Variants in MEGF8 observed in about 807,000 individuals in gnomAD.
The protein encoded by MEGF8 is multiple EGF like domains 8.
MEGF8 carries 156 observed loss-of-function variants against 302.9 expected under a neutral mutation model. That is an observed-to-expected ratio of 0.52 (90% CI 0.45 to 0.59). MEGF8 has a LOEUF of 0.59. Among genes scored for constraint, MEGF8 ranks in the 20% least tolerant of loss-of-function variants. The pLI is 0.00. For missense variants in MEGF8, 3,345 were observed against 3,964.5 expected (o/e 0.84, Z 4.20); for synonymous variants, 1,621 against 1,660.5 (o/e 0.98, Z 0.58).
At chr19:42,374,170 A>G (rs997253772) in intron 41 of MEGF8, among the ~76,000 whole-genome samples, 1 of 152,142 alleles carries the variant, frequency 6.6e-6, no homozygotes, top group African/African-American at 2.4e-5. Flanking sequence ...CTTAAGAGGA[A>G]GACAGATTCA....
rs761908769 is a variant in MEGF8 at position 42,354,655 on chromosome 19, G to A, written c.4079G>A (p.Arg1360His). 1.9e-5 allele frequency: 31 copies of A among 1,612,252 alleles called. No individual in the cohort carries two copies. Among genetic ancestry groups the A allele is most frequent in the South Asian group, 1.2e-4 (11 of 91,060 alleles). Residue 1360 changes from arginine to histidine, a missense_variant, in exon 23 of 42, where the codon CGC (arginine) becomes CAC (histidine). Arg to His is a conservative substitution (Grantham distance 29, BLOSUM62 0). Transcript: ENST00000251268. This position sits in a 1 kb window ranked among gnomAD's most constrained non-coding sequence, Gnocchi z 4.3. ...GACACTGGTGTTGTCCAGTCGGACC[G>A]CAGCCTCATAGCTGCCTTCTGCGGC... ...FLDTGVVQSD[R>H]SLIAAFCGQR...
rs769451119 is a variant in MEGF8, at chr19:42,337,086, G to A, written c.1393G>A (p.Gly465Ser). Residue 465 changes from glycine (G) to serine (S), a missense_variant and splice_region_variant, in exon 8 of 42, where the codon GGC (glycine) becomes AGC (serine). Transcript: ENST00000251268. ...ATGCCCCTTTCCTCCATTCCCAGGG[G>A]GCAATGTGCACACCCATTACCAGGA... ...VLGNYMVVYG[G>S]NVHTHYQEEK... 1.9e-6 allele frequency: 3 copies of A among 1,613,892 alleles called. No individual in the cohort carries two copies. Among genetic ancestry groups the A allele is most frequent in the Non-Finnish European group, 2.5e-6 (3 of 1,179,854 alleles).
chr19:42,352,837 T>C lies in MEGF8; in HGVS notation c.3351-91T>C. ...AAAACCATGGAAACAGCCAGTGGCT[T>C]TGATGGTGTCATGGTGGGTGGAGAT... On this transcript the variant is annotated intron_variant, in intron 19 of 41. Transcript: ENST00000251268. The surrounding 1 kb of genome is among the most constrained non-coding windows in gnomAD (Gnocchi z 4.4). 1 of 984,728 alleles carries C rather than the reference T, an allele frequency of 1.0e-6. No homozygotes were observed. Among genetic ancestry groups the C allele is most frequent in the Middle Eastern group, 3.1e-4 (1 of 3,274 alleles). The allele number at this position is 984,728 out of a possible 1,614,324, so 61.0% of individuals were successfully genotyped here.
rs1364639096 is a variant in MEGF8, at chr19:42,356,740, G to C, written c.4623-34G>C. 3.0e-5 allele frequency: 46 copies of C among 1,524,768 alleles called. No homozygotes were observed. Among genetic ancestry groups the C allele is most frequent in the Non-Finnish European group, 3.9e-5 (44 of 1,131,710 alleles). 94.5% of individuals were successfully genotyped at this position (1,524,768 alleles called of 1,614,324 possible). A position where few individuals can be genotyped will look rare whatever the true frequency, so the allele number is the denominator to read the frequency against. The stretch of plus-strand genomic sequence containing the variant: ...CACCTTGAAGGATGCTGGGATGACT[G>C]TAATGAGGCTGCTTTTTTGCACCCT... On this transcript the variant is annotated intron_variant, in intron 26 of 41. Coordinates refer to ENST00000251268, the MANE Select transcript of MEGF8 (RefSeq NM_001271938.2). This position sits in a 1 kb window ranked among gnomAD's most constrained non-coding sequence, Gnocchi z 5.2.
Position 42,370,144 on chromosome 19 carries a change from T to C in MEGF8, c.6835-45T>C, listed in dbSNP as rs751823998. 4 of 1,565,156 alleles carry C rather than the reference T, an allele frequency of 2.6e-6. No individual in the cohort carries two copies. In the African/African-American group the frequency reaches 4.1e-5, roughly 16 times the overall value. ...TGTGCCCCCAACGCCCTCCTACCCC[T>C]GATGACTCTCCAGCCTCTCTAACTA... is the stretch of plus-strand genomic sequence containing the variant. On this transcript the variant is annotated intron_variant, in intron 38 of 41. Transcript: ENST00000251268.
At chr19:42,361,265 TC>T (rs2039528201) in intron 32 of MEGF8, among the ~76,000 whole-genome samples, 1 of 152,110 alleles carries the variant, frequency 6.6e-6, no homozygotes, top group Non-Finnish European at 1.5e-5. Context: ...CATCAGTGAT[TC>T]AGAAGTGAGG....
In MEGF8 at chr19:42,370,183, TC is replaced by T; in HGVS notation, c.6835-5del. On this transcript the variant is annotated splice_region_variant and splice_polypyrimidine_tract_variant and intron_variant, in intron 38 of 41. Coordinates refer to ENST00000251268, the MANE Select transcript of MEGF8 (RefSeq NM_001271938.2). ...CCTCTCTAACTACCCTGTCCTGGGTTCTCAGGGCAGCCACTGTGAGCAGTGC... is the reference window on the plus strand; with the variant it reads ...CCTCTCTAACTACCCTGTCCTGGGTTTCAGGGCAGCCACTGTGAGCAGTGC... 2 of 1,610,330 alleles carry T rather than the reference TC, an allele frequency of 1.2e-6. No individual in the cohort carries two copies. Among genetic ancestry groups the T allele is most frequent in the African/African-American group, 1.3e-5 (1 of 74,994 alleles).
chr19:42,372,056 A>ACAG (rs1203433937), intron 41 of MEGF8, among the ~76,000 whole-genome samples: 1 of 148,710 alleles, frequency 6.7e-6, no homozygotes, highest in African/African-American at 2.5e-5. Flanking sequence ...AACAACAACA[A>ACAG]CAACAACAAC....
rs2039321685 is a variant in MEGF8, at chr19:42,348,479, C to T, written c.2298+7C>T. On this transcript the variant is annotated splice_region_variant and intron_variant, in intron 13 of 41. Coordinates refer to ENST00000251268, the MANE Select transcript of MEGF8 (RefSeq NM_001271938.2). ...CCCTGACACGGAGAACATGGTGAGG[C>T]CGCCTGGGACATTCAGGGGGTTGTT... The T allele has an allele frequency of 2.0e-6, 3 of 1,508,776 alleles. No individual in the cohort carries two copies. In the African/African-American group the frequency reaches 4.1e-5, roughly 21 times the overall value. The allele number at this position is 1,508,776 out of a possible 1,614,324, so 93.5% of individuals were successfully genotyped here.
Position 42,326,016 on chromosome 19 carries a change from A to G in MEGF8, c.-228A>G, listed in dbSNP as rs893155466. 8.3e-6 allele frequency: 5 copies of G among 603,658 alleles called. No homozygotes were observed. The highest frequency in any genetic ancestry group is 5.9e-5 in the African/African-American group (3 of 51,250). 37.4% of individuals were successfully genotyped at this position (603,658 alleles called of 1,614,324 possible). ...GTTCGGCCCCGTCCATAATGACTCCATATACAGGGCCTTCCATCGCTCTAT... is the reference window on the plus strand; with the variant it reads ...GTTCGGCCCCGTCCATAATGACTCCGTATACAGGGCCTTCCATCGCTCTAT... On this transcript the variant is annotated 5_prime_UTR_variant, in exon 1 of 42. Transcript: ENST00000251268.
chr19:42,369,381 G>A lies in MEGF8; in HGVS notation c.6642-150G>A. ...GTTGTGGGCTACACCTGGAGGGGGTGGTGGGCTAGATCCTGAAGAGAAGAT... is the reference window on the plus strand; with the variant it reads ...GTTGTGGGCTACACCTGGAGGGGGTAGTGGGCTAGATCCTGAAGAGAAGAT... On this transcript the variant is annotated intron_variant, in intron 37 of 41. Transcript: ENST00000251268. This position sits in a 1 kb window ranked among gnomAD's most constrained non-coding sequence, Gnocchi z 5.7. 1.3e-6 allele frequency: 1 copy of A among 752,812 alleles called. No homozygotes were observed. Among genetic ancestry groups the A allele is most frequent in the South Asian group, 1.9e-5 (1 of 53,198 alleles). 46.6% of individuals were successfully genotyped at this position (752,812 alleles called of 1,614,324 possible). A position where few individuals can be genotyped will look rare whatever the true frequency, so the allele number is the denominator to read the frequency against.
Position 42,368,501 on chromosome 19 carries a change from G to T in MEGF8, c.6320G>T (p.Cys2107Phe). The change falls in exon 36 of 42, where the codon TGT becomes TTT. Residue 2107 changes from cysteine (C) to phenylalanine (F), a missense_variant. Cys to Phe is a radical substitution (Grantham distance 205). Transcript: ENST00000251268. The surrounding 1 kb of genome is among the most constrained non-coding windows in gnomAD (Gnocchi z 4.9). ...CCCCTGCGATGTATGGCCGGAGGCT[G>T]TGGGCGGCTGCTCCGGGGACCTGAG... ...YLPLRCMAGG[C>F]GRLLRGPESC... 6.2e-7 allele frequency: 1 copy of T among 1,609,928 alleles called. No homozygotes were observed. Among genetic ancestry groups the T allele is most frequent in the Non-Finnish European group, 8.5e-7 (1 of 1,178,818 alleles).
chr19:42,355,820 G>T lies in MEGF8; in HGVS notation c.4207G>T (p.Gly1403Cys). ...ATCCTGGGGCTTCAATGCTTCGGTG[G>T]GCTCTGCCCGCTGTGGGTCAGGGGG... ...SSSWGFNASV[G>C]SARCGSGGPG... The change falls in exon 24 of 42, where the codon GGC (glycine) becomes TGC (cysteine). Residue 1403 changes from glycine to cysteine, a missense_variant. Transcript: ENST00000251268. 6.4e-7 allele frequency: 1 copy of T among 1,573,530 alleles called. No homozygotes were observed.
chr19:42,333,801 G>A (rs776058528), intron 2 of MEGF8, 33 bp downstream of exon 2: 18 of 1,606,652 alleles, frequency 1.1e-5, no homozygotes, highest in East Asian at 2.2e-5. Flanking sequence ...CAGATACACC[G>A]AGGGAAATGG....
chr19:42,366,860 C>T (rs1222759575), intron 35 of MEGF8, among the ~76,000 whole-genome samples: 1 of 152,140 alleles, frequency 6.6e-6, no homozygotes, highest in South Asian at 2.1e-4. Flanking sequence ...CCAACAAGTG[C>T]CCTAAATTTA....
At position 42,335,064 on chromosome 19, in the gene MEGF8, C is replaced by T. The variant is rs1441569861; in HGVS notation, c.588C>T (p.Gly196=). 1 of 1,613,584 alleles carries T rather than the reference C, an allele frequency of 6.2e-7. No individual in the cohort carries two copies. The highest frequency in any genetic ancestry group is 8.5e-7 in the Non-Finnish European group (1 of 1,179,752). ...TGGGACCATGCCGCTGTGAGCCTGG[C>T]TTCTTGGGACGTGCCTGTGACCTGC... ...SPLGPCRCEP[G]FLGRACDLHL... is the part of the protein sequence containing the mutation. Residue 196 remains glycine, a synonymous_variant, in exon 4 of 42, where the codon GGC becomes GGT. Coordinates refer to ENST00000251268, the MANE Select transcript of MEGF8 (RefSeq NM_001271938.2).
chr19:42,359,220 C>T lies in MEGF8; in HGVS notation c.5466C>T (p.Ala1822=). ...TGCTCTACCAGGTCAACTGCAATGC[C>T]TGGCTTCTGCCCGACCTCACCCGTA... ...DVLLYQVNCN[A]WLLPDLTRSA... is the part of the protein sequence containing the mutation. Residue 1822 remains alanine (A), a synonymous_variant, in exon 31 of 42, where the codon GCC becomes GCT. Transcript: ENST00000251268. 1 of 1,587,080 alleles carries T rather than the reference C, an allele frequency of 6.3e-7. No individual in the cohort carries two copies. The highest frequency in any genetic ancestry group is 8.6e-7 in the Non-Finnish European group (1 of 1,166,236).
At position 42,331,024 on chromosome 19, in the gene MEGF8, G is replaced by T. The variant is rs542233453; in HGVS notation, c.188-2581G>T. Among the ~76,000 whole-genome samples the T allele has an allele frequency of 9.9e-5, 15 of 152,238 alleles. No individual in the cohort carries two copies. The South Asian group carries it at 2.3e-3, about 23-fold the overall frequency. ...GGGCTTTGGGGCAGGGGAGGGACGG[G>T]GCCAGATGTTGAGTTGGGAAGATCA... On this transcript the variant is annotated intron_variant, in intron 1 of 41. Coordinates refer to ENST00000251268, the MANE Select transcript of MEGF8 (RefSeq NM_001271938.2).
chr19:42,350,549 C>A (rs2039353590), intron 15 of MEGF8, among the ~76,000 whole-genome samples, 165 bp downstream of exon 15: 1 of 152,158 alleles, frequency 6.6e-6, no homozygotes, highest in East Asian at 1.9e-4. Flanking sequence ...TAGAGAGAGG[C>A]ACCTGGGGAG....
Sources: gnomAD v4.1 joint callset for allele counts (sites outside exome capture counted in the v4.1 genomes callset) on GRCh38, gnomAD v4.1.1 for gene constraint, Gnocchi (gnomAD v3.1) non-coding constraint, MANE v1.5 for transcripts, NCBI Gene and HGNC (gene_info 2026-07-23, HGNC 2026-07-21) for gene names.